The following GLDN variants were observed in gnomAD, a reference collection of about 807,000 sequenced individuals.
GLDN encodes gliomedin.
GLDN carries 47 observed loss-of-function variants against 56.5 expected under a neutral mutation model. The ratio of observed to expected loss-of-function variants is 0.83; its 90% CI spans 0.66 to 1.06. GLDN has a LOEUF of 1.06. GLDN is among the 50% of genes least tolerant of loss of function. The pLI is 0.00. For synonymous variants in GLDN, 332 were observed against 278.8 expected, an observed-to-expected ratio of 1.19 and a Z score of -1.90; for missense variants, 782 against 714.3, an observed-to-expected ratio of 1.09 and a Z score of -1.08.
intron 4 of GLDN, 101 bp downstream of exon 4, chr15:51,383,993 C>A: frequency 3.3e-6 from 3 of 903,398 alleles, no homozygotes; most frequent in Non-Finnish European, 5.4e-6. Context: ...GGTGTTTCAT[C>A]TCTGCACAGT....
At chr15:51,408,586 C>T (rs373001880), downstream of GLDN, among the ~76,000 whole-genome samples, 8 of 152,172 alleles carry the variant, frequency 5.3e-5, no homozygotes, top group Admixed American at 1.3e-4. Flanking sequence ...ATGTGCACAA[C>T]GTGCAGGTTA....
chr15:51,410,227 T>C (rs1003865654), downstream of GLDN, among the ~76,000 whole-genome samples: 3 of 152,208 alleles, frequency 2.0e-5, no homozygotes, highest in Non-Finnish European at 4.4e-5. Flanking sequence ...CTACGTGACG[T>C]TTAAATCCTC....
At chr15:51,367,216 C>G (rs1417430493) in intron 1 of GLDN, among the ~76,000 whole-genome samples, 5 of 152,224 alleles carry the variant, frequency 3.3e-5, no homozygotes, top group African/African-American at 9.6e-5. Flanking sequence ...GGGGGAAATC[C>G]TCCTTCGGGG....
intron 1 of GLDN, among the ~76,000 whole-genome samples, chr15:51,347,227 G>A (rs2036994370): frequency 6.6e-6 from 1 of 151,874 alleles, no homozygotes; most frequent in African/African-American, 2.4e-5. Flanking sequence ...CAGTTCTCAG[G>A]CAAAGAAATA....
At chr15:51,371,533 T>G (rs1023078825) in intron 1 of GLDN, among the ~76,000 whole-genome samples, 1 of 152,212 alleles carries the variant, frequency 6.6e-6, no homozygotes, top group South Asian at 2.1e-4. Context: ...GCTAATCCAA[T>G]GAGAATAGTT....
intron 9 of GLDN, 142 bp downstream of exon 9, chr15:51,401,885 T>C (rs1005637466): frequency 3.2e-5 from 23 of 721,716 alleles, no homozygotes; most frequent in Middle Eastern, 3.9e-4. Flanking sequence ...TCAGGGTTTG[T>C]CGACTGAATG....
In GLDN at chr15:51,360,895, G is replaced by A. The variant is rs551623434; in HGVS notation, c.364-16554G>A. ...AGGTTGAGAAAACACTCTTACAGAT[G>A]TTTTTGCTCTGTACAAGGGATGCCA... On this transcript the variant is annotated intron_variant, in intron 1 of 9. Transcript: ENST00000335449. Among the ~76,000 whole-genome samples, 253 of 152,324 alleles carry A rather than the reference G, an allele frequency of 1.7e-3. 7 individuals carry two copies. Among genetic ancestry groups the A allele is most frequent in the Non-Finnish European group, 1.8e-3 (123 of 68,034 alleles).
rs2038334934 is a variant in GLDN at position 51,404,636 on chromosome 15, C to T, written c.1538C>T (p.Ser513Phe). 7 of 1,612,940 alleles carry T rather than the reference C, an allele frequency of 4.3e-6. No individual in the cohort carries two copies. Among genetic ancestry groups the T allele is most frequent in the Non-Finnish European group, 5.9e-6 (7 of 1,178,934 alleles). ...AATGCAAACTTTGATTTAAGAACTT[C>T]CCAGTCTGTTCTTGCCATGTTAGCA... Reference protein sequence around the residue: ...QINANFDLRTSQSVLAMLAYN... With the variant: ...QINANFDLRTFQSVLAMLAYN... The change falls in exon 10 of 10, where the codon TCC (serine) becomes TTC (phenylalanine). Residue 513 changes from serine to phenylalanine, a missense_variant. By Grantham distance (155) the Ser-to-Phe change is radical. Coordinates refer to ENST00000335449, the MANE Select transcript of GLDN (RefSeq NM_181789.4).
rs745619575 is a variant in GLDN, at chr15:51,404,752, T to C, written c.1654T>C (p.Ter552ArgextTer51). The stretch of plus-strand genomic sequence containing the variant: ...GTTTTTGTCAACTACCTTAAATCAG[T>C]GATGTGCTGCATTCGGCTCCCTTCA... The part of the protein sequence containing the change: ...VQFLSTTLNQ[*>R] The change falls in exon 10 of 10, where the codon TGA (stop) becomes CGA (arginine). Residue 552 changes from the stop codon to arginine, a stop_lost. Coordinates refer to ENST00000335449, the MANE Select transcript of GLDN (RefSeq NM_181789.4). 6.6e-7 allele frequency: 1 copy of C among 1,506,364 alleles called. No homozygotes were observed. Among genetic ancestry groups the C allele is most frequent in the Admixed American group, 1.7e-5 (1 of 59,158 alleles). 93.3% of individuals were successfully genotyped at this position (1,506,364 alleles called of 1,614,324 possible).
chr15:51,398,422 C>T (rs2038180456), intron 6 of GLDN, among the ~76,000 whole-genome samples: 1 of 152,182 alleles, frequency 6.6e-6, no homozygotes, highest in African/African-American at 2.4e-5. Flanking sequence ...ACTTCTCTCC[C>T]AAAGGGGTGA....
Position 51,383,768 on chromosome 15 carries a change from T to C in GLDN, c.434-17T>C. The C allele has an allele frequency of 6.4e-7, 1 of 1,566,394 alleles. No homozygotes were observed. Among genetic ancestry groups the C allele is most frequent in the Non-Finnish European group, 8.7e-7 (1 of 1,154,064 alleles). On this transcript the variant is annotated splice_polypyrimidine_tract_variant and intron_variant, in intron 3 of 9. Coordinates refer to ENST00000335449, the MANE Select transcript of GLDN (RefSeq NM_181789.4). The stretch of plus-strand genomic sequence containing the variant: ...TTTTTTTTTGGTTAATGTCCCTGTT[T>C]CTGTGTTTTGATGCAGGACCTCCGG...
chr15:51,408,706 G>A (rs1411599833), downstream of GLDN, among the ~76,000 whole-genome samples: 1 of 152,032 alleles, frequency 6.6e-6, no homozygotes, highest in East Asian at 1.9e-4. Flanking sequence ...GACAGGCCCT[G>A]GTGTGTGGTG....
At chr15:51,413,258 G>A in the GLDN span, among the ~76,000 whole-genome samples, 1 of 152,072 alleles carries the variant, frequency 6.6e-6, no homozygotes, top group East Asian at 1.9e-4. Context: ...TTTGGAAGGA[G>A]GTGGAGCAAG....
chr15:51,388,795 C>T (rs2037954511), intron 4 of GLDN, among the ~76,000 whole-genome samples: 1 of 152,172 alleles, frequency 6.6e-6, no homozygotes, highest in Admixed American at 6.5e-5. Flanking sequence ...ATTGGAGGTG[C>T]CGAAGAGCAA....
intron 4 of GLDN, among the ~76,000 whole-genome samples, chr15:51,392,725 C>T (rs117046521): frequency 0.018 from 2,538 of 141,168 alleles, 34 homozygotes; most frequent in South Asian, 0.04. Context: ...TGGGGTATCA[C>T]GTTAATTGAT....
chr15:51,343,176 T>C (rs770697431), intron 1 of GLDN, among the ~76,000 whole-genome samples: 3 of 152,240 alleles, frequency 2.0e-5, no homozygotes, highest in African/African-American at 7.2e-5. Context: ...ACAGAAGCTT[T>C]TAAATAACTT....
chr15:51,397,416 T>C, intron 5 of GLDN, 54 bp from the exon 6 acceptor site: 4 of 804,212 alleles, frequency 5.0e-6, no homozygotes, highest in Non-Finnish European at 5.0e-6. Context: ...CTCTCTCCCC[T>C]TCCCCCTTCT....
At chr15:51,353,007 A>G (rs1346317421) in intron 1 of GLDN, among the ~76,000 whole-genome samples, 1 of 152,218 alleles carries the variant, frequency 6.6e-6, no homozygotes, top group Non-Finnish European at 1.5e-5. Context: ...CAAGATTACT[A>G]ACCTCCCCAA....
intron 2 of GLDN, among the ~76,000 whole-genome samples, chr15:51,380,140 T>C (rs1300475868): frequency 6.6e-6 from 1 of 152,148 alleles, no homozygotes; most frequent in Non-Finnish European, 1.5e-5. Flanking sequence ...CCTAGGAAGG[T>C]GGTGGGAGTT....
Sources: gnomAD v4.1 joint callset for allele counts (sites outside exome capture counted in the v4.1 genomes callset) on GRCh38, gnomAD v4.1.1 for gene constraint, MANE v1.5 for transcripts, NCBI Gene and HGNC (gene_info 2026-07-23, HGNC 2026-07-21) for gene names.